Variants in EPN1 observed in about 807,000 individuals in gnomAD.
EPN1 encodes the protein epsin 1.
EPN1 carries 25 observed loss-of-function variants against 56.9 expected under a neutral mutation model. The observed-to-expected ratio is 0.44, with a 90% confidence interval of 0.32 to 0.61. The LOEUF (loss-of-function observed/expected upper bound fraction) is 0.61, where lower values mean the gene tolerates loss of function less well. Among genes scored for constraint, EPN1 ranks in the 20% least tolerant of loss-of-function variants. EPN1 has a pLI of 0.05. For missense variants in EPN1, 785 were observed against 823.7 expected, an observed-to-expected ratio of 0.95 and a Z score of 0.58; for synonymous variants, 411 against 361.8, an observed-to-expected ratio of 1.14 and a Z score of -1.54.
intron 1 of EPN1, among the ~76,000 whole-genome samples, 190 bp from the exon 2 acceptor site, chr19:55,678,337 G>A (rs1182101715): frequency 6.6e-6 from 1 of 152,212 alleles, no homozygotes; most frequent in African/African-American, 2.4e-5. Context: ...CTGCCTCACT[G>A]AGCAGGGGCC....
chr19:55,686,033 G>A (rs766656698), intron 3 of EPN1, among the ~76,000 whole-genome samples: 89 of 152,332 alleles, frequency 5.8e-4, no homozygotes, highest in Non-Finnish European at 1.1e-3. Flanking sequence ...ACATCGGAGA[G>A]GCAGAGGGGG....
rs1461235535 is a variant in EPN1, at chr19:55,691,956, G to A, written c.965G>A (p.Arg322Lys). 2.0e-6 allele frequency: 3 copies of A among 1,525,554 alleles called. No individual in the cohort carries two copies. In the African/African-American group the frequency reaches 4.2e-5, roughly 21 times the overall value. 94.5% of individuals were successfully genotyped at this position (1,525,554 alleles called of 1,614,324 possible). The change falls in exon 7 of 11, where the codon AGG (arginine) becomes AAG (lysine). Residue 322 changes from arginine to lysine, a missense_variant. Around this residue, in one of 2 missense-constraint regions of EPN1, gnomAD observed 650 missense variants for 605.0 expected, o/e 1.07. Transcript: ENST00000270460. The surrounding 1 kb of genome is among the most constrained non-coding windows in gnomAD (Gnocchi z 5.6). ...APTPASGDPW[R>K]PAAPAGPSVD... ...ACGCCGGCCTCTGGGGACCCCTGGA[G>A]GCCTGCTGCCCCTGCAGGACCCTCA...
In EPN1 at chr19:55,693,092, C is replaced by T. The variant is rs374079281; in HGVS notation, c.1264+55C>T. On this transcript the variant is annotated intron_variant, in intron 9 of 10. Coordinates refer to ENST00000270460, the MANE Select transcript of EPN1 (RefSeq NM_001130072.2). ...CGAGAGGGAGCCTCCCCTAGCTCTT[C>T]GGGAGCCCCGTCCCTTGCTGTCTTT... is the stretch of plus-strand genomic sequence containing the variant. 1,711 of 1,540,274 alleles carry T rather than the reference C, an allele frequency of 1.1e-3. 16 individuals are homozygous for T. The highest frequency in any genetic ancestry group is 8.1e-3 in the South Asian group (717 of 88,700).
At chr19:55,681,328 G>A (rs573092891) in intron 2 of EPN1, among the ~76,000 whole-genome samples, 1 of 152,226 alleles carries the variant, frequency 6.6e-6, no homozygotes, top group Non-Finnish European at 1.5e-5. Flanking sequence ...CTGTTTTCCA[G>A]ATGAGGGAAC....
In EPN1 at chr19:55,700,347, T is replaced by A. The variant is rs1987083691; in HGVS notation, c.*4991T>A. 6.6e-6 allele frequency: 1 copy of A among 151,154 alleles called. No individual in the cohort carries two copies. The allele number at this position is 151,154 out of a possible 1,614,324, so 9.4% of individuals were successfully genotyped here. A position where few individuals can be genotyped will look rare whatever the true frequency, so the allele number is the denominator to read the frequency against. Reference sequence around the variant, plus strand: ...CAGGCTGGAGTGCAGTGGCGCGATCTCGGCTCACTGCAACCTCCGCCTCCC... The same window carrying A: ...CAGGCTGGAGTGCAGTGGCGCGATCACGGCTCACTGCAACCTCCGCCTCCC... On this transcript the variant is annotated 3_prime_UTR_variant, in exon 11 of 11. Coordinates refer to ENST00000270460, the MANE Select transcript of EPN1 (RefSeq NM_001130072.2).
chr19:55,694,515 A>C lies in EPN1; in HGVS notation c.1265-211A>C. ...TCTGTCATCCCTCTTGTGTTTGCTCACTGGAATCAGACCCACCTTATGGGA... is the reference window on the plus strand; with the variant it reads ...TCTGTCATCCCTCTTGTGTTTGCTCCCTGGAATCAGACCCACCTTATGGGA... On this transcript the variant is annotated intron_variant, in intron 9 of 10. Transcript: ENST00000270460. The surrounding 1 kb of genome is among the most constrained non-coding windows in gnomAD (Gnocchi z 4.2). 1 of 484,280 alleles carries C rather than the reference A, an allele frequency of 2.1e-6. No homozygotes were observed. Among genetic ancestry groups the C allele is most frequent in the East Asian group, 3.3e-5 (1 of 30,326 alleles). The allele number at this position is 484,280 out of a possible 1,614,324, so 30.0% of individuals were successfully genotyped here. A position where few individuals can be genotyped will look rare whatever the true frequency, so the allele number is the denominator to read the frequency against.
intron 1 of EPN1, 108 bp from the exon 2 acceptor site, chr19:55,678,419 C>T: frequency 8.7e-7 from 1 of 1,155,184 alleles, no homozygotes. Context: ...TAGAGGTTAA[C>T]AAGGGACAGA....
At chr19:55,681,315 C>T (rs1287638422) in intron 2 of EPN1, among the ~76,000 whole-genome samples, 3 of 152,196 alleles carry the variant, frequency 2.0e-5, no homozygotes, top group South Asian at 4.1e-4. Flanking sequence ...TTCTCCTTTT[C>T]CTCTGTTTTC....
At chr19:55,690,640 C>G (rs557105524) in intron 6 of EPN1, among the ~76,000 whole-genome samples, 2 of 152,176 alleles carry the variant, frequency 1.3e-5, no homozygotes, top group Admixed American at 1.3e-4. Flanking sequence ...AGCACAGTAG[C>G]TGCTGCTGCT....
At position 55,689,333 on chromosome 19, in the gene EPN1, C is replaced by T; in HGVS notation, c.640C>T (p.Gln214Ter). Residue 214 changes from glutamine to a stop codon, truncating the protein, a stop_gained, in exon 5 of 11, where the codon CAG becomes TAG. Coordinates refer to ENST00000270460, the MANE Select transcript of EPN1 (RefSeq NM_001130072.2). LOFTEE classifies it high-confidence loss of function. This position sits in a 1 kb window ranked among gnomAD's most constrained non-coding sequence, Gnocchi z 5.7. ...CGGCCCCGAGGACGACGCCCAGCTCCAGCTGGCCCTTAGTTTGAGCCGAGA... is the reference window on the plus strand; with the variant it reads ...CGGCCCCGAGGACGACGCCCAGCTCTAGCTGGCCCTTAGTTTGAGCCGAGA... ...SCGPEDDAQL[Q>*]LALSLSREEH... The T allele has an allele frequency of 1.3e-6, 2 of 1,551,870 alleles. No homozygotes were observed. The highest frequency in any genetic ancestry group is 1.7e-6 in the Non-Finnish European group (2 of 1,147,012).
In EPN1 at chr19:55,693,044, C is replaced by T; in HGVS notation, c.1264+7C>T. 3.1e-6 allele frequency: 5 copies of T among 1,608,864 alleles called. No homozygotes were observed. Among genetic ancestry groups the T allele is most frequent in the Non-Finnish European group, 4.3e-6 (5 of 1,176,104 alleles). On this transcript the variant is annotated splice_region_variant and intron_variant, in intron 9 of 10. Coordinates refer to ENST00000270460, the MANE Select transcript of EPN1 (RefSeq NM_001130072.2). Reference sequence around the variant, plus strand: ...ACCTCCGGGAGCAGCGCAGGTGAGCCCCTGCCCTCCCCTGCCCAGTGGCGA... The same window carrying T: ...ACCTCCGGGAGCAGCGCAGGTGAGCTCCTGCCCTCCCCTGCCCAGTGGCGA...
intron 2 of EPN1, among the ~76,000 whole-genome samples, chr19:55,680,296 C>T (rs1366213883): frequency 1.3e-5 from 2 of 152,174 alleles, no homozygotes; most frequent in Non-Finnish European, 2.9e-5. Flanking sequence ...TTTTTGTCAC[C>T]CCCAAGACCT....
rs1339594922 is a variant in EPN1 at position 55,678,598 on chromosome 19, C to G, written c.-30C>G. ...CCCCATCTCTCCACGCATCGGGGCCCTGTGCCCCTTGCTGCTGCAGCCGGG... is the reference window on the plus strand; with the variant it reads ...CCCCATCTCTCCACGCATCGGGGCCGTGTGCCCCTTGCTGCTGCAGCCGGG... On this transcript the variant is annotated 5_prime_UTR_variant, in exon 2 of 11. Coordinates refer to ENST00000270460, the MANE Select transcript of EPN1 (RefSeq NM_001130072.2). The G allele has an allele frequency of 1.3e-6, 2 of 1,585,676 alleles. No homozygotes were observed. Among genetic ancestry groups the G allele is most frequent in the Non-Finnish European group, 1.7e-6 (2 of 1,167,610 alleles).
At chr19:55,681,694 G>C (rs1985829796) in intron 2 of EPN1, among the ~76,000 whole-genome samples, 1 of 152,136 alleles carries the variant, frequency 6.6e-6, no homozygotes, top group African/African-American at 2.4e-5. Context: ...GGATGTCCTT[G>C]ATAAAGCTGT....
At position 55,692,787 on chromosome 19, in the gene EPN1, G is replaced by A. The variant is rs1986653934; in HGVS notation, c.1168G>A (p.Gly390Ser). 2.5e-6 allele frequency: 4 copies of A among 1,596,904 alleles called. No homozygotes were observed. Among genetic ancestry groups the A allele is most frequent in the African/African-American group, 2.7e-5 (2 of 74,714 alleles). The change falls in exon 8 of 11, where the codon GGC becomes AGC. Residue 390 changes from glycine to serine, a missense_variant. Gly to Ser is a moderately conservative substitution (Grantham distance 56). Transcript: ENST00000270460. ...GTCACCTGCCAAGCCCAGCACCAAT[G>A]GCACAACAGGTACTGGAATGGGGGT... ...GGSPAKPSTN[G>S]TTAAGGFDTE...
At chr19:55,682,317 C>G (rs1458079163) in intron 2 of EPN1, among the ~76,000 whole-genome samples, 1 of 152,244 alleles carries the variant, frequency 6.6e-6, no homozygotes, top group Non-Finnish European at 1.5e-5. Context: ...CAAGACTGTT[C>G]TTGAGCTTTA....
intron 1 of EPN1, chr19:55,677,823 CT>C (rs1251224636): frequency 1.4e-6 from 2 of 1,409,494 alleles, no homozygotes; most frequent in Non-Finnish European, 1.9e-6. Context: ...TTCCTGCCCC[CT>C]CTGCCCTTGT....
At chr19:55,680,051 C>T (rs1230585917) in intron 2 of EPN1, among the ~76,000 whole-genome samples, 1 of 152,116 alleles carries the variant, frequency 6.6e-6, no homozygotes, top group Non-Finnish European at 1.5e-5. Context: ...GCAGGGCTGG[C>T]AGGTGCCAAG....
chr19:55,685,428 C>G lies in EPN1; in HGVS notation c.261C>G (p.Thr87=). 2 of 1,610,072 alleles carry G rather than the reference C, an allele frequency of 1.2e-6. No homozygotes were observed. Among genetic ancestry groups the G allele is most frequent in the African/African-American group, 1.3e-5 (1 of 74,990 alleles). The stretch of plus-strand genomic sequence containing the variant: ...CGCTGATGGAGTACCTCATCAAGAC[C>G]GGCTCGGAGCGCGTGTCGCAGCAGT... ...AMTLMEYLIK[T]GSERVSQQCK... The change falls in exon 3 of 11, where the codon ACC becomes ACG. Residue 87 remains threonine (T), a synonymous_variant. Transcript: ENST00000270460.
Sources: allele counts gnomAD v4.1 joint callset (sites outside exome capture counted in the v4.1 genomes callset), GRCh38; gene constraint gnomAD v4.1.1; regional missense constraint gnomAD v4.1.1; non-coding constraint Gnocchi (gnomAD v3.1); transcripts MANE v1.5; gene names NCBI Gene and HGNC (gene_info 2026-07-23, HGNC 2026-07-21).